Variants in PROCR observed in about 807,000 individuals in gnomAD.
PROCR encodes endothelial protein C receptor.
PROCR carries 22 observed loss-of-function variants against 24.2 expected under a neutral mutation model. The ratio of observed to expected loss-of-function variants is 0.91; its 90% CI spans 0.65 to 1.30. PROCR has a LOEUF of 1.30. PROCR is among the 50% of genes most tolerant of loss of function. The probability of loss-of-function intolerance (pLI) is 0.00; values close to 1 mark genes in which losing one functional copy is unlikely to be tolerated. For missense variants in PROCR, 288 were observed against 307.7 expected (o/e 0.94, Z 0.48); for synonymous variants, 137 against 139.2 (o/e 0.98, Z 0.11).
intron 1 of PROCR, chr20:35,174,419 A>G (rs760660477): frequency 2.0e-6 from 1 of 496,668 alleles, no homozygotes; most frequent in African/African-American, 1.9e-5. Flanking sequence ...TTAACAGGAA[A>G]CGGGGGGAGG....
At chr20:35,189,771 A>C (rs2086157924) in intron 1 of PROCR, among the ~76,000 whole-genome samples, 1 of 152,100 alleles carries the variant, frequency 6.6e-6, no homozygotes, top group South Asian at 2.1e-4. Flanking sequence ...AAAAGAACCC[A>C]CGTTGAAATA....
intron 1 of PROCR, among the ~76,000 whole-genome samples, chr20:35,205,400 TAA>T (rs1555791693): frequency 4.7e-5 from 6 of 128,924 alleles, no homozygotes; most frequent in African/African-American, 8.0e-5. Flanking sequence ...CCATTCATGA[TAA>T]AAAAAAAAAA....
downstream of PROCR, among the ~76,000 whole-genome samples, chr20:35,179,232 CAAAA>C (rs61421342): frequency 1.9e-3 from 143 of 76,592 alleles, no homozygotes; most frequent in Middle Eastern, 7.0e-3. Context: ...GACTCCATCT[CAAAA>C]AAAAAAAAAA....
At position 35,172,129 on chromosome 20, in the gene PROCR, C is replaced by T. The variant is rs747367169; in HGVS notation, c.-26C>T. 1.2e-6 allele frequency: 2 copies of T among 1,613,432 alleles called. No homozygotes were observed. The highest frequency in any genetic ancestry group is 2.2e-5 in the South Asian group (2 of 91,072). On this transcript the variant is annotated 5_prime_UTR_variant, in exon 1 of 4. Coordinates refer to ENST00000216968, the MANE Select transcript of PROCR (RefSeq NM_006404.5). ...GCCCGCAGCCGGCCCGAGCCAGGAA[C>T]CCAGGTCCGGAGCCTCAACTTCAGG...
At chr20:35,194,167 G>A (rs1180864676) in intron 1 of PROCR, among the ~76,000 whole-genome samples, 1 of 152,088 alleles carries the variant, frequency 6.6e-6, no homozygotes, top group Non-Finnish European at 1.5e-5. Flanking sequence ...GGTGTGGTAG[G>A]GACAAAAGCC....
intron 1 of PROCR, among the ~76,000 whole-genome samples, chr20:35,195,793 C>T (rs1172027008): frequency 7.4e-6 from 1 of 134,880 alleles, no homozygotes; most frequent in Non-Finnish European, 1.5e-5. Context: ...TGCACTCTAG[C>T]TTGAGTGACA....
At chr20:35,177,412 A>G (rs908729035), downstream of PROCR, 1 of 904,208 alleles carries the variant, frequency 1.1e-6, no homozygotes, top group Non-Finnish European at 1.3e-6. Context: ...ACCTATACCC[A>G]TTTCTTCTGC....
intron 1 of PROCR, among the ~76,000 whole-genome samples, chr20:35,186,669 C>A (rs1368682726): frequency 2.6e-5 from 4 of 151,788 alleles, no homozygotes; most frequent in Non-Finnish European, 5.9e-5. Context: ...GGCAATCTGA[C>A]CAGGCACAGT....
chr20:35,181,715 G>A (rs909487973), downstream of PROCR, among the ~76,000 whole-genome samples: 2 of 152,152 alleles, frequency 1.3e-5, no homozygotes, highest in Non-Finnish European at 2.9e-5. Context: ...AAGGAAAAAC[G>A]GAACGCCTCC....
intron 1 of PROCR, among the ~76,000 whole-genome samples, chr20:35,193,872 T>A (rs570545542): frequency 6.6e-6 from 1 of 152,294 alleles, no homozygotes; most frequent in South Asian, 2.1e-4. Flanking sequence ...CTGGATGGGA[T>A]CACCTAAGGA....
intron 1 of PROCR, among the ~76,000 whole-genome samples, chr20:35,186,111 A>C (rs944084768): frequency 6.6e-6 from 1 of 152,252 alleles, no homozygotes; most frequent in African/African-American, 2.4e-5. Flanking sequence ...ATACTTGTAC[A>C]TGAATGTTCA....
chr20:35,205,469 T>TA (rs1568600498), intron 1 of PROCR, among the ~76,000 whole-genome samples: 1 of 134,886 alleles, frequency 7.4e-6, no homozygotes, highest in South Asian at 2.3e-4. Flanking sequence ...ATATATATAT[T>TA]GGCCGGGCGC....
At chr20:35,177,862 C>A (rs188315499), downstream of PROCR, among the ~76,000 whole-genome samples, 3 of 152,202 alleles carry the variant, frequency 2.0e-5, no homozygotes, top group South Asian at 2.1e-4. Context: ...TCTCTTTTTG[C>A]CTTAACTTCT....
At chr20:35,189,939 T>C (rs1470745195) in intron 1 of PROCR, among the ~76,000 whole-genome samples, 2 of 152,206 alleles carry the variant, frequency 1.3e-5, no homozygotes, top group Non-Finnish European at 2.9e-5. Context: ...GCACCTTACT[T>C]TACTGATAAT....
chr20:35,201,003 G>T (rs889778147), intron 1 of PROCR, among the ~76,000 whole-genome samples: 16 of 152,130 alleles, frequency 1.1e-4, no homozygotes, highest in African/African-American at 3.9e-4. Context: ...GATTCACTTT[G>T]TTGCAATATT....
chr20:35,172,138 G>C lies in PROCR; in HGVS notation c.-17G>C, dbSNP rs374533868. On this transcript the variant is annotated 5_prime_UTR_variant, in exon 1 of 4. Transcript: ENST00000216968. ...CGGCCCGAGCCAGGAACCCAGGTCC[G>C]GAGCCTCAACTTCAGGATGTTGACA... is the stretch of plus-strand genomic sequence containing the variant. The C allele has an allele frequency of 1.2e-6, 2 of 1,614,054 alleles. No homozygotes were observed. The highest frequency in any genetic ancestry group is 1.1e-5 in the South Asian group (1 of 91,086).
chr20:35,177,147 A>G lies in PROCR; in HGVS notation c.*334A>G, dbSNP rs751057302. On this transcript the variant is annotated 3_prime_UTR_variant, in exon 4 of 4. Transcript: ENST00000216968. ...CTCCAAAGACAGACAGAATCACCTG[A>G]GGCGTTCAAAAGATATAACCAAATA... 7.7e-6 allele frequency: 9 copies of G among 1,175,924 alleles called. No homozygotes were observed. The highest frequency in any genetic ancestry group is 9.6e-6 in the Non-Finnish European group (9 of 937,446). The allele number at this position is 1,175,924 out of a possible 1,614,324, so 72.8% of individuals were successfully genotyped here. A position where few individuals can be genotyped will look rare whatever the true frequency, so the allele number is the denominator to read the frequency against.
chr20:35,177,029 G>A lies in PROCR; in HGVS notation c.*216G>A, dbSNP rs570765298. The A allele has an allele frequency of 7.3e-7, 1 of 1,373,890 alleles. No individual in the cohort carries two copies. The highest frequency in any genetic ancestry group is 1.5e-5 in the African/African-American group (1 of 68,362). The allele number at this position is 1,373,890 out of a possible 1,614,324, so 85.1% of individuals were successfully genotyped here. On this transcript the variant is annotated 3_prime_UTR_variant, in exon 4 of 4. Coordinates refer to ENST00000216968, the MANE Select transcript of PROCR (RefSeq NM_006404.5). ...TGGTTTGCTAAGAACCTAAGAACGT[G>A]TATGCTTTGCTGAATTAGTCTGATA...
rs56372104 is a variant in PROCR at position 35,187,646 on chromosome 20, G to T, written c.94+11200G>T. Among the ~76,000 whole-genome samples, 802 of 152,334 alleles carry T rather than the reference G, an allele frequency of 5.3e-3. 1 individual carries two copies. Among genetic ancestry groups the T allele is most frequent in the Non-Finnish European group, 9.1e-3 (616 of 68,042 alleles). ...GGATGAATAACTCTGACCGTTTAGG[G>T]AGAAGATATGATCCTCATTTCCAGG... is the stretch of plus-strand genomic sequence containing the variant. On this transcript the variant is annotated intron_variant, in intron 1 of 1. Transcript: ENST00000634509.
Sources: allele counts gnomAD v4.1 joint callset (sites outside exome capture counted in the v4.1 genomes callset), GRCh38; gene constraint gnomAD v4.1.1; transcripts MANE v1.5; gene names NCBI Gene and HGNC (gene_info 2026-07-23, HGNC 2026-07-21).